TRIM9: variants seen among roughly 807,000 people sequenced by gnomAD.
TRIM9 encodes tripartite motif containing 9.
Under a neutral mutation model 78.3 loss-of-function variants are expected in TRIM9, and 26 were observed. The observed-to-expected ratio is 0.33, with a 90% CI of 0.24 to 0.46. The LOEUF (loss-of-function observed/expected upper bound fraction) is 0.46, where lower values mean the gene tolerates loss of function less well. Among genes scored for constraint, TRIM9 ranks in the 20% least tolerant of loss-of-function variants. The pLI is 1.00. For missense variants in TRIM9, 787 were observed against 1,036.4 expected (o/e 0.76, Z 3.30); for synonymous variants, 398 against 416.5 (o/e 0.96, Z 0.54).
rs1362405363 is a variant in TRIM9, at chr14:51,000,771, G to A, written c.1376C>T (p.Thr459Met). ...CAGAGGTGGCTGTTTCCAGGACAACGTAGCGCTGTTGTTGTGGGTACAACA... is the reference window on the plus strand; with the variant it reads ...CAGAGGTGGCTGTTTCCAGGACAACATAGCGCTGTTGTTGTGGGTACAACA... ...EECCTHNNSATLSWKQPPLST... is the reference protein window; with the variant it reads ...EECCTHNNSAMLSWKQPPLST... The change falls in exon 6 of 13, where the codon ACG (threonine) becomes ATG (methionine). Residue 459 changes from threonine to methionine, a missense_variant. Physicochemically the swap from Thr to Met is moderately conservative, Grantham distance 81. Coordinates refer to ENST00000684578, the MANE Select transcript of TRIM9 (RefSeq NM_001387360.1). 8 of 1,614,246 alleles carry A rather than the reference G, an allele frequency of 5.0e-6. No individual in the cohort carries two copies. The highest frequency in any genetic ancestry group is 6.8e-6 in the Non-Finnish European group (8 of 1,180,046).
In TRIM9 at chr14:50,977,057, C is replaced by T; in HGVS notation, c.*234G>A. ...AAGTGACTTGGTGGGCTGTCTAGGTCCTTTGTTGGTTAGAATTGTTGGACA... is the reference window on the plus strand; with the variant it reads ...AAGTGACTTGGTGGGCTGTCTAGGTTCTTTGTTGGTTAGAATTGTTGGACA... On this transcript the variant is annotated 3_prime_UTR_variant, in exon 13 of 13. Coordinates refer to ENST00000684578, the MANE Select transcript of TRIM9 (RefSeq NM_001387360.1). 1 of 363,234 alleles carries T rather than the reference C, an allele frequency of 2.8e-6. No homozygotes were observed. The highest frequency in any genetic ancestry group is 1.4e-4 in the South Asian group (1 of 6,972). 22.5% of individuals were successfully genotyped at this position (363,234 alleles called of 1,614,324 possible). A position where few individuals can be genotyped will look rare whatever the true frequency, so the allele number is the denominator to read the frequency against.
intron 1 of TRIM9, among the ~76,000 whole-genome samples, chr14:51,092,809 CAT>C (rs2064495911): frequency 6.6e-6 from 1 of 152,060 alleles, no homozygotes; most frequent in Admixed American, 6.6e-5. Context: ...CAAAAAATAA[CAT>C]AATTAAAATA....
At chr14:51,016,901 G>A (rs2057269474) in intron 3 of TRIM9, among the ~76,000 whole-genome samples, 1 of 152,172 alleles carries the variant, frequency 6.6e-6, no homozygotes, top group African/African-American at 2.4e-5. Context: ...GATATGGAGG[G>A]CTGACTGTAC....
intron 1 of TRIM9, among the ~76,000 whole-genome samples, chr14:51,075,077 T>C (rs1375034404): frequency 6.6e-6 from 1 of 152,180 alleles, no homozygotes; most frequent in Non-Finnish European, 1.5e-5. Context: ...CCAATTAAAT[T>C]TGCCGCTAAC....
chr14:51,048,706 C>T (rs76481199), intron 1 of TRIM9, among the ~76,000 whole-genome samples: 11,665 of 151,948 alleles, frequency 0.077, 662 homozygotes, highest in African/African-American at 0.16. Flanking sequence ...TCTCGGGGGC[C>T]GGGCGCAGTG....
At chr14:50,998,832 C>G (rs2054572414) in intron 6 of TRIM9, among the ~76,000 whole-genome samples, 1 of 152,200 alleles carries the variant, frequency 6.6e-6, no homozygotes, top group Non-Finnish European at 1.5e-5. Flanking sequence ...ATAGGTTAGG[C>G]ATTTGCCTCC....
intron 7 of TRIM9, among the ~76,000 whole-genome samples, chr14:50,991,439 T>G (rs1485576425): frequency 1.3e-5 from 2 of 152,328 alleles, no homozygotes; most frequent in East Asian, 3.9e-4. Flanking sequence ...TGGTCAGGTA[T>G]GATTACCTAC....
At chr14:51,076,141 G>C (rs531319051) in intron 1 of TRIM9, among the ~76,000 whole-genome samples, 1 of 152,182 alleles carries the variant, frequency 6.6e-6, no homozygotes, top group South Asian at 2.1e-4. Flanking sequence ...TGTGTTGCCT[G>C]TTTCACAGAT....
chr14:51,009,272 C>T (rs1312404004), intron 4 of TRIM9, 39 bp from the exon 5 acceptor site: 5 of 1,610,648 alleles, frequency 3.1e-6, no homozygotes, highest in Non-Finnish European at 4.2e-6. Context: ...AGAAATACAC[C>T]ACCACACTTG....
intron 1 of TRIM9, among the ~76,000 whole-genome samples, chr14:51,062,069 T>C (rs1424779804): frequency 6.6e-6 from 1 of 151,916 alleles, no homozygotes; most frequent in Non-Finnish European, 1.5e-5. Flanking sequence ...TTTCTGCCGC[T>C]ATATCCAGTC....
At chr14:51,041,692 C>T (rs2059590063) in intron 1 of TRIM9, among the ~76,000 whole-genome samples, 1 of 152,192 alleles carries the variant, frequency 6.6e-6, no homozygotes, top group African/African-American at 2.4e-5. Flanking sequence ...TGTACAATAG[C>T]ACTCTTTTCT....
chr14:51,030,687 G>A (rs911977730), intron 1 of TRIM9, among the ~76,000 whole-genome samples: 2 of 152,036 alleles, frequency 1.3e-5, no homozygotes, highest in African/African-American at 2.4e-5. Flanking sequence ...ATGTAAGAAT[G>A]TGTATGTGTA....
At chr14:51,007,422 TTAA>T (rs1210015058) in intron 5 of TRIM9, among the ~76,000 whole-genome samples, 1 of 152,188 alleles carries the variant, frequency 6.6e-6, no homozygotes, top group East Asian at 1.9e-4. Context: ...TGTAGATTTG[TTAA>T]TATTAAGAGA....
intron 3 of TRIM9, 106 bp downstream of exon 3, chr14:51,022,729 C>T: frequency 6.6e-7 from 1 of 1,521,698 alleles, no homozygotes; most frequent in Non-Finnish European, 8.8e-7. Context: ...AGGCTGTGGG[C>T]ATCCTCTCCT....
chr14:51,080,877 C>T (rs74731031), intron 1 of TRIM9, among the ~76,000 whole-genome samples: 18,281 of 152,252 alleles, frequency 0.12, 1,534 homozygotes, highest in Admixed American at 0.25. Flanking sequence ...ATGATTTCCT[C>T]CTGCTTTTGG....
intron 1 of TRIM9, among the ~76,000 whole-genome samples, chr14:51,037,141 A>G (rs2059220011): frequency 6.6e-6 from 1 of 152,144 alleles, no homozygotes; most frequent in African/African-American, 2.4e-5. Context: ...ACATTCCTCA[A>G]AATGCTTTAC....
intron 3 of TRIM9, among the ~76,000 whole-genome samples, chr14:51,014,393 G>C (rs1158117563): frequency 1.3e-5 from 2 of 152,102 alleles, no homozygotes; most frequent in Non-Finnish European, 1.5e-5. Context: ...CAATATTCTT[G>C]AGTTCCTGGC....
At chr14:51,049,787 T>G (rs1430716287) in intron 1 of TRIM9, among the ~76,000 whole-genome samples, 1 of 150,294 alleles carries the variant, frequency 6.7e-6, no homozygotes, top group Non-Finnish European at 1.5e-5. Context: ...ATTGCACCAC[T>G]GCACTCCAGC....
At chr14:51,024,463 T>C (rs1357490701) in intron 2 of TRIM9, among the ~76,000 whole-genome samples, 1 of 152,212 alleles carries the variant, frequency 6.6e-6, no homozygotes, top group African/African-American at 2.4e-5. Flanking sequence ...CATGGTTAAA[T>C]ATGAACTTAG....
Sources: allele counts gnomAD v4.1 joint callset (sites outside exome capture counted in the v4.1 genomes callset), GRCh38; gene constraint gnomAD v4.1.1; transcripts MANE v1.5; gene names NCBI Gene and HGNC (gene_info 2026-07-23, HGNC 2026-07-21).